Variants in AGBL4 observed in about 807,000 individuals in gnomAD.
AGBL4 encodes the protein AGBL carboxypeptidase 4.
AGBL4 carries 58 observed loss-of-function variants against 66.4 expected under a neutral mutation model. The ratio of observed to expected loss-of-function variants is 0.87; its 90% CI spans 0.71 to 1.09. The LOEUF (loss-of-function observed/expected upper bound fraction) is 1.09, where lower values mean the gene tolerates loss of function less well. AGBL4 is among the 50% of genes least tolerant of loss of function. The pLI is 0.00. For synonymous variants in AGBL4, 234 were observed against 222.9 expected (o/e 1.05, Z -0.44); for missense variants, 579 against 631.0 (o/e 0.92, Z 0.88).
chr1:48,950,627 T>C (rs975901921), intron 5 of AGBL4, among the ~76,000 whole-genome samples: 14 of 152,144 alleles, frequency 9.2e-5, no homozygotes, highest in Non-Finnish European at 2.9e-5. Context: ...TGGAAATAAG[T>C]GCATGAGAGA....
intron 2 of AGBL4, among the ~76,000 whole-genome samples, chr1:49,779,185 T>C (rs1644274736): frequency 6.6e-6 from 1 of 152,194 alleles, no homozygotes; most frequent in South Asian, 2.1e-4. Flanking sequence ...TCAAGGAGAC[T>C]ATGTGCACAC....
At chr1:49,032,951 T>C (rs1664349392) in intron 5 of AGBL4, among the ~76,000 whole-genome samples, 1 of 152,042 alleles carries the variant, frequency 6.6e-6, no homozygotes, top group Non-Finnish European at 1.5e-5. Context: ...TCGGTTGGCT[T>C]CTATAGCTTC....
At chr1:49,376,568 T>C (rs1465156013) in intron 3 of AGBL4, among the ~76,000 whole-genome samples, 1 of 152,114 alleles carries the variant, frequency 6.6e-6, no homozygotes, top group Admixed American at 6.6e-5. Context: ...TGGATGCTCC[T>C]TCATCCCTGA....
intron 5 of AGBL4, among the ~76,000 whole-genome samples, chr1:48,979,122 C>T (rs1659556136): frequency 6.6e-6 from 1 of 152,074 alleles, no homozygotes; most frequent in African/African-American, 2.4e-5. Flanking sequence ...TCCTTTCAAA[C>T]TCAAATGTTA....
intron 1 of AGBL4, among the ~76,000 whole-genome samples, chr1:49,854,074 GA>G (rs1051094550): frequency 2.6e-5 from 4 of 151,892 alleles, no homozygotes; most frequent in African/African-American, 4.8e-5. Flanking sequence ...AATCACTATA[GA>G]AAAAATAGCA....
intron 2 of AGBL4, among the ~76,000 whole-genome samples, chr1:49,807,330 C>G (rs761912514): frequency 2.0e-5 from 3 of 152,170 alleles, no homozygotes; most frequent in Admixed American, 6.5e-5. Flanking sequence ...TAGGATCTCT[C>G]CCCTGGAAGG....
chr1:49,824,155 G>A (rs1413941120), intron 2 of AGBL4, among the ~76,000 whole-genome samples: 1 of 152,158 alleles, frequency 6.6e-6, no homozygotes, highest in Non-Finnish European at 1.5e-5. Flanking sequence ...GTTGCAGTGA[G>A]CCGAGATCGC....
At chr1:48,546,795 A>C (rs1200286072) in intron 11 of AGBL4, among the ~76,000 whole-genome samples, 1 of 151,986 alleles carries the variant, frequency 6.6e-6, no homozygotes, top group African/African-American at 2.4e-5. Context: ...AAAACAAAAG[A>C]AGACAAAACC....
chr1:49,224,552 G>A (rs1397092247), intron 4 of AGBL4, among the ~76,000 whole-genome samples: 1 of 148,498 alleles, frequency 6.7e-6, no homozygotes, highest in Admixed American at 6.9e-5. Flanking sequence ...AGGAGGCAGA[G>A]CTTGCAGTGA....
intron 12 of AGBL4, among the ~76,000 whole-genome samples, chr1:48,535,549 C>A (rs563644971): frequency 6.6e-6 from 1 of 152,232 alleles, no homozygotes; most frequent in South Asian, 2.1e-4. Flanking sequence ...TAGAAATGAA[C>A]TTTCTGTCTT....
intron 3 of AGBL4, among the ~76,000 whole-genome samples, chr1:49,286,012 C>CTG (rs1557805151): frequency 6.6e-6 from 1 of 152,158 alleles, no homozygotes; most frequent in Non-Finnish European, 1.5e-5. Context: ...AGCTTATCCA[C>CTG]CATGATCAAG....
intron 3 of AGBL4, among the ~76,000 whole-genome samples, chr1:49,555,740 AAAG>A (rs1284754589): frequency 1.3e-5 from 2 of 152,000 alleles, no homozygotes; most frequent in Non-Finnish European, 2.9e-5. Flanking sequence ...ACACTTCTCA[AAAG>A]AAGACATTTA....
At position 49,412,866 on chromosome 1, in the gene AGBL4, A is replaced by C. The variant is rs115862260; in HGVS notation, c.283-167002T>G. On this transcript the variant is annotated intron_variant, in intron 3 of 13. Transcript: ENST00000371839. ...TAAGAGGAAGAATGGGAGAGAGTAGATGTAGGTATAAAAGGGAAACCATGA... is the reference window on the plus strand; with the variant it reads ...TAAGAGGAAGAATGGGAGAGAGTAGCTGTAGGTATAAAAGGGAAACCATGA... Among the ~76,000 whole-genome samples the C allele has an allele frequency of 3.5e-3, 536 of 152,298 alleles. 3 individuals carry two copies. The highest frequency in any genetic ancestry group is 0.012 in the African/African-American group (479 of 41,566).
chr1:49,465,206 T>TACACACAC (rs1646601070), intron 3 of AGBL4, among the ~76,000 whole-genome samples: 2 of 69,018 alleles, frequency 2.9e-5, no homozygotes, highest in African/African-American at 1.1e-4. Context: ...ACCCTACCCC[T>TACACACAC]ACATACACAC....
At chr1:49,615,720 T>C (rs1645238385) in intron 3 of AGBL4, among the ~76,000 whole-genome samples, 1 of 152,120 alleles carries the variant, frequency 6.6e-6, no homozygotes, top group Non-Finnish European at 1.5e-5. Flanking sequence ...GCATTTGGGT[T>C]CTCTCTGGGT....
At chr1:49,554,304 A>C (rs776116774) in intron 3 of AGBL4, among the ~76,000 whole-genome samples, 1 of 152,204 alleles carries the variant, frequency 6.6e-6, no homozygotes, top group Non-Finnish European at 1.5e-5. Context: ...AGACAGATTT[A>C]TCTCTCCAGG....
chr1:48,971,485 A>T (rs1658899670), intron 5 of AGBL4, among the ~76,000 whole-genome samples: 1 of 152,188 alleles, frequency 6.6e-6, no homozygotes, highest in African/African-American at 2.4e-5. Flanking sequence ...GGGGAAAAAA[A>T]ACAGAAAAAC....
At chr1:49,770,205 C>T (rs1165564596) in intron 2 of AGBL4, among the ~76,000 whole-genome samples, 2 of 152,088 alleles carry the variant, frequency 1.3e-5, no homozygotes, top group Non-Finnish European at 2.9e-5. Context: ...ACCTTCTATA[C>T]CTAATTTGTT....
chr1:49,863,166 G>T (rs1646615969), intron 1 of AGBL4, among the ~76,000 whole-genome samples: 2 of 152,024 alleles, frequency 1.3e-5, no homozygotes, highest in African/African-American at 2.4e-5. Flanking sequence ...TTTGACAAAG[G>T]TGCCAAGAAC....
Sources: gnomAD v4.1 joint callset for allele counts (sites outside exome capture counted in the v4.1 genomes callset) on GRCh38, gnomAD v4.1.1 for gene constraint, MANE v1.5 for transcripts, NCBI Gene and HGNC (gene_info 2026-07-23, HGNC 2026-07-21) for gene names.